CSMD1: variants seen among roughly 807,000 people sequenced by gnomAD.
The protein encoded by CSMD1 is CUB and sushi domain-containing protein 1.
A neutral mutation model predicts 417.5 loss-of-function variants in CSMD1; 213 were observed. The observed-to-expected ratio is 0.51, with a 90% CI of 0.46 to 0.57. The LOEUF (loss-of-function observed/expected upper bound fraction) is 0.57. CSMD1 is among the 20% of genes least tolerant of loss of function. The pLI is 0.00. For synonymous variants in CSMD1, 2,862 were observed against 1,736.8 expected, an observed-to-expected ratio of 1.65 and a Z score of -16.11; for missense variants, 6,923 against 4,529.7, an observed-to-expected ratio of 1.53 and a Z score of -15.17.
At chr8:3,795,968 ATC>A (rs1563088726) in intron 5 of CSMD1, among the ~76,000 whole-genome samples, 1 of 69,380 alleles carries the variant, frequency 1.4e-5, no homozygotes, top group Admixed American at 1.6e-4. Context: ...AGATATAGAT[ATC>A]TATCATGTAC....
At chr8:3,712,600 C>G (rs957603325) in intron 6 of CSMD1, among the ~76,000 whole-genome samples, 1 of 152,176 alleles carries the variant, frequency 6.6e-6, no homozygotes, top group African/African-American at 2.4e-5. Flanking sequence ...TGATTGATGA[C>G]AAAACATAGC....
At chr8:4,594,752 T>A (rs1032914571) in intron 2 of CSMD1, among the ~76,000 whole-genome samples, 17 of 152,320 alleles carry the variant, frequency 1.1e-4, no homozygotes, top group Non-Finnish European at 2.1e-4. Context: ...CATGGCTATC[T>A]TTCCTCCCCA....
intron 10 of CSMD1, among the ~76,000 whole-genome samples, chr8:3,527,841 C>G (rs148396183): frequency 9.8e-5 from 15 of 152,308 alleles, no homozygotes; most frequent in Admixed American, 2.0e-4. Context: ...ATGTGCATCT[C>G]TTAACAGAGA....
At chr8:4,568,361 G>A (rs1014101065) in intron 2 of CSMD1, among the ~76,000 whole-genome samples, 1 of 152,138 alleles carries the variant, frequency 6.6e-6, no homozygotes, top group African/African-American at 2.4e-5. Context: ...ACTTATGACT[G>A]AGAACATGCG....
chr8:3,373,061 A>G (rs1240873113), intron 18 of CSMD1, among the ~76,000 whole-genome samples: 1 of 152,228 alleles, frequency 6.6e-6, no homozygotes, highest in Non-Finnish European at 1.5e-5. Context: ...ATTTTATGTA[A>G]AACTGAGATA....
At chr8:4,303,420 C>CTTTTTTTTTTTTTTTTTT (rs1563419612) in intron 3 of CSMD1, among the ~76,000 whole-genome samples, 1 of 92,318 alleles carries the variant, frequency 1.1e-5, no homozygotes. Context: ...GGGCAGGAAG[C>CTTTTTTTTTTTTTTTTTT]TGTTTTTTTT....
At chr8:3,276,656 T>C (rs1802317188) in intron 26 of CSMD1, among the ~76,000 whole-genome samples, 1 of 152,182 alleles carries the variant, frequency 6.6e-6, no homozygotes, top group Admixed American at 6.5e-5. Flanking sequence ...AACCGTATCA[T>C]TATTAAAATA....
chr8:3,154,477 T>G (rs928920641), intron 39 of CSMD1, among the ~76,000 whole-genome samples: 1 of 152,238 alleles, frequency 6.6e-6, no homozygotes, highest in Non-Finnish European at 1.5e-5. Context: ...TTTATTTTTA[T>G]AAAATGGCTA....
chr8:3,291,796 T>C (rs1803592059), intron 25 of CSMD1, among the ~76,000 whole-genome samples: 1 of 152,184 alleles, frequency 6.6e-6, no homozygotes, highest in Non-Finnish European at 1.5e-5. Flanking sequence ...TTCATTGACT[T>C]TTTTAAGGGT....
chr8:4,939,643 T>G (rs1807849832), intron 1 of CSMD1, among the ~76,000 whole-genome samples: 1 of 148,124 alleles, frequency 6.8e-6, no homozygotes, highest in South Asian at 2.3e-4. Flanking sequence ...GGGCTGGGGG[T>G]GAGTGGGAAG....
chr8:4,613,284 A>G (rs2617105), intron 2 of CSMD1, among the ~76,000 whole-genome samples: 94,649 of 151,936 alleles, frequency 0.62, 30,026 homozygotes, highest in African/African-American at 0.75. Flanking sequence ...CACGCCATCC[A>G]TGCTCCGAGT....
chr8:4,777,188 T>C (rs916523511), intron 1 of CSMD1, among the ~76,000 whole-genome samples: 2 of 152,198 alleles, frequency 1.3e-5, no homozygotes, highest in East Asian at 3.9e-4. Context: ...TTTTACCTTG[T>C]GGTTGTTATT....
intron 59 of CSMD1, among the ~76,000 whole-genome samples, chr8:2,964,875 C>G (rs1396307867): frequency 6.6e-6 from 1 of 152,174 alleles, no homozygotes; most frequent in African/African-American, 2.4e-5. Context: ...CCACATTTAA[C>G]CATGTGTCTT....
intron 5 of CSMD1, among the ~76,000 whole-genome samples, chr8:3,879,172 T>C (rs10106673): frequency 0.012 from 1,834 of 152,156 alleles, 42 homozygotes; most frequent in African/African-American, 0.041. Flanking sequence ...GAGCAGGTGG[T>C]GGTTTATTAC....
chr8:2,963,502 A>G, intron 59 of CSMD1, 107 bp from the exon 60 acceptor site: 1 of 1,086,318 alleles, frequency 9.2e-7, no homozygotes, highest in Non-Finnish European at 1.3e-6. Context: ...TGACATCTAC[A>G]TAGGTTTTTA....
intron 12 of CSMD1, among the ~76,000 whole-genome samples, chr8:3,430,862 C>T (rs1218299406): frequency 1.3e-5 from 2 of 152,064 alleles, no homozygotes; most frequent in African/African-American, 4.8e-5. Context: ...AAGATAGGTT[C>T]TATTGTTTAC....
chr8:4,397,120 G>A (rs1474105180), intron 3 of CSMD1, among the ~76,000 whole-genome samples: 2 of 151,800 alleles, frequency 1.3e-5, no homozygotes, highest in African/African-American at 4.8e-5. Context: ...ATAACCATCT[G>A]CACGCCATCA....
chr8:3,189,867 C>G (rs1483070244), intron 34 of CSMD1, 45 bp downstream of exon 34: 12 of 1,488,272 alleles, frequency 8.1e-6, no homozygotes, highest in Non-Finnish European at 1.1e-5. Flanking sequence ...CTCTTTGGCA[C>G]CACCACAGAG....
At chr8:3,244,795 A>G (rs1187823392) in intron 26 of CSMD1, among the ~76,000 whole-genome samples, 1 of 152,210 alleles carries the variant, frequency 6.6e-6, no homozygotes, top group Non-Finnish European at 1.5e-5. Context: ...ACACCCTCCA[A>G]GCATCATAGT....
Sources: allele counts gnomAD v4.1 joint callset (sites outside exome capture counted in the v4.1 genomes callset), GRCh38; gene constraint gnomAD v4.1.1; transcripts MANE v1.5; gene names NCBI Gene and HGNC (gene_info 2026-07-23, HGNC 2026-07-21).